Variants in ULK2 observed in about 807,000 individuals in gnomAD.
The protein encoded by ULK2 is unc-51 like autophagy activating kinase 2, also known as serine/threonine-protein kinase ULK2.
ULK2 carries 76 observed loss-of-function variants against 127.5 expected under a neutral mutation model. That is an observed-to-expected ratio of 0.60 (90% confidence interval 0.50 to 0.72). The LOEUF (loss-of-function observed/expected upper bound fraction) is 0.72, where lower values mean the gene tolerates loss of function less well. ULK2 is among the 30% of genes least tolerant of loss of function. The probability of loss-of-function intolerance (pLI) is 0.00; values close to 1 mark genes in which losing one functional copy is unlikely to be tolerated. For synonymous variants in ULK2, 452 were observed against 461.9 expected (o/e 0.98, Z 0.28); for missense variants, 1,144 against 1,295.9 (o/e 0.88, Z 1.80).
intron 10 of ULK2, among the ~76,000 whole-genome samples, chr17:19,827,152 T>C (rs2152393289): frequency 6.6e-6 from 1 of 152,160 alleles, no homozygotes; most frequent in Middle Eastern, 3.4e-3. Flanking sequence ...ATTAAGAAAA[T>C]AGGTATTCAG....
At chr17:19,804,129 TC>T (rs1461589461) in intron 15 of ULK2, among the ~76,000 whole-genome samples, 2 of 151,950 alleles carry the variant, frequency 1.3e-5, no homozygotes, top group Non-Finnish European at 2.9e-5. Flanking sequence ...ATGCCTGTAA[TC>T]CCAGCACTTT....
At chr17:19,791,826 CCAG>C (rs1337263793) in intron 20 of ULK2, among the ~76,000 whole-genome samples, 1 of 142,142 alleles carries the variant, frequency 7.0e-6, no homozygotes, top group African/African-American at 2.7e-5. Flanking sequence ...CCACTGCACT[CCAG>C]CAACACCCTG....
At chr17:19,844,815 T>A (rs1366446588) in intron 7 of ULK2, among the ~76,000 whole-genome samples, 2 of 152,112 alleles carry the variant, frequency 1.3e-5, no homozygotes, top group Non-Finnish European at 2.9e-5. Flanking sequence ...CCTAACCCTA[T>A]AATACATGAT....
chr17:19,782,637 C>T (rs1279280629), intron 22 of ULK2, among the ~76,000 whole-genome samples: 2 of 152,128 alleles, frequency 1.3e-5, no homozygotes, highest in Non-Finnish European at 2.9e-5. Flanking sequence ...CATTCTAGGC[C>T]GGGCATGGTG....
chr17:19,800,751 ATT>A (rs1220518188), intron 16 of ULK2, among the ~76,000 whole-genome samples: 2 of 151,572 alleles, frequency 1.3e-5, no homozygotes, highest in African/African-American at 4.8e-5. Flanking sequence ...TCCTGGAAGT[ATT>A]TTTTTTACAG....
chr17:19,806,313 A>C (rs1259243084), intron 14 of ULK2, among the ~76,000 whole-genome samples: 2 of 152,204 alleles, frequency 1.3e-5, no homozygotes, highest in Non-Finnish European at 2.9e-5. Flanking sequence ...GCTAAAGTAC[A>C]TCAGGGAATT....
intron 17 of ULK2, 113 bp downstream of exon 17, chr17:19,799,382 G>A (rs2087344483): frequency 1.1e-6 from 1 of 877,702 alleles, no homozygotes; most frequent in Non-Finnish European, 1.6e-6. Flanking sequence ...AAATCAGGAT[G>A]GCAGAGGAGA....
At chr17:19,852,038 C>T (rs1162155885) in intron 3 of ULK2, among the ~76,000 whole-genome samples, 2 of 129,906 alleles carry the variant, frequency 1.5e-5, no homozygotes, top group African/African-American at 6.1e-5. Flanking sequence ...GAATGAGACT[C>T]CATCTCAAAA....
At chr17:19,779,151 A>C (rs1045204922) in intron 25 of ULK2, among the ~76,000 whole-genome samples, 5 of 152,266 alleles carry the variant, frequency 3.3e-5, no homozygotes, top group African/African-American at 1.2e-4. Flanking sequence ...ATTTCAAAAT[A>C]AGGCCACGGA....
intron 10 of ULK2, among the ~76,000 whole-genome samples, chr17:19,830,811 T>G (rs1453581905): frequency 6.6e-6 from 1 of 152,032 alleles, no homozygotes; most frequent in Non-Finnish European, 1.5e-5. Context: ...CCTGATCGCT[T>G]GAGAACAGAA....
chr17:19,851,587 C>G (rs1422602853), intron 3 of ULK2, among the ~76,000 whole-genome samples: 1 of 151,726 alleles, frequency 6.6e-6, no homozygotes, highest in East Asian at 1.9e-4. Flanking sequence ...TTGCAGTGAG[C>G]TGAGACCGCG....
At chr17:19,835,335 C>T (rs1039182310) in intron 10 of ULK2, among the ~76,000 whole-genome samples, 2 of 151,140 alleles carry the variant, frequency 1.3e-5, no homozygotes, top group African/African-American at 4.8e-5. Flanking sequence ...CCACTTCAGC[C>T]TCCCAAAGTG....
chr17:19,801,779 A>G lies in ULK2; in HGVS notation c.1439T>C (p.Leu480Ser). ...GSSRPYSPSP[L>S]VGTIPEQFSQ... ...AACTGTTTTTAAACTCTACTTACCC[A>G]AAGGGGAAGGTGAGTAAGGCCTAGA... is the stretch of plus-strand genomic sequence containing the variant. The change falls in exon 16 of 27, where the codon TTG (leucine) becomes TCG (serine). Residue 480 changes from leucine to serine, a missense_variant and splice_region_variant. By Grantham distance (145) the Leu-to-Ser change is moderately radical. Transcript: ENST00000395544. The G allele has an allele frequency of 6.2e-7, 1 of 1,613,136 alleles. No individual in the cohort carries two copies. The highest frequency in any genetic ancestry group is 8.5e-7 in the Non-Finnish European group (1 of 1,179,810).
intron 11 of ULK2, among the ~76,000 whole-genome samples, chr17:19,825,486 G>A (rs1310429555): frequency 6.6e-6 from 1 of 151,944 alleles, no homozygotes. Flanking sequence ...GAGGCAGGAG[G>A]ATCACTTGAG....
chr17:19,848,535 T>G (rs2041945275), intron 5 of ULK2, among the ~76,000 whole-genome samples: 1 of 152,122 alleles, frequency 6.6e-6, no homozygotes, highest in African/African-American at 2.4e-5. Flanking sequence ...TCCCAGCACT[T>G]TGGGAGGCTG....
intron 12 of ULK2, among the ~76,000 whole-genome samples, chr17:19,818,861 CAT>C (rs2041065095): frequency 7.8e-6 from 1 of 128,440 alleles, no homozygotes; most frequent in Non-Finnish European, 1.6e-5. Context: ...AGTACAGTGG[CAT>C]GATCTTGGCT....
At chr17:19,855,086 C>A (rs1165704516) in intron 3 of ULK2, among the ~76,000 whole-genome samples, 2 of 131,056 alleles carry the variant, frequency 1.5e-5, no homozygotes, top group African/African-American at 3.0e-5. Flanking sequence ...GGCAAAAGAA[C>A]AAGATTCCAT....
intron 3 of ULK2, among the ~76,000 whole-genome samples, chr17:19,853,479 T>C (rs1188609582): frequency 6.6e-6 from 1 of 152,004 alleles, no homozygotes; most frequent in East Asian, 1.9e-4. Context: ...ATCTCTCTGC[T>C]ATATTCTTAA....
intron 18 of ULK2, 58 bp downstream of exon 18, chr17:19,797,338 T>A: frequency 6.7e-7 from 1 of 1,485,968 alleles, no homozygotes; most frequent in South Asian, 1.4e-5. Flanking sequence ...TCATAATGAA[T>A]CCTTTCCATA....
Sources: gnomAD v4.1 joint callset for allele counts (sites outside exome capture counted in the v4.1 genomes callset) on GRCh38, gnomAD v4.1.1 for gene constraint, MANE v1.5 for transcripts, NCBI Gene and HGNC (gene_info 2026-07-23, HGNC 2026-07-21) for gene names.